Variants in MAP2 observed in about 807,000 individuals in gnomAD.
MAP2 encodes the protein microtubule-associated protein 2.
In MAP2, 14 loss-of-function variants were observed where a neutral mutation model predicts 137.6. The ratio of observed to expected loss-of-function variants is 0.10; its 90% CI spans 0.07 to 0.16. The LOEUF (loss-of-function observed/expected upper bound fraction) is 0.16. Among genes scored for constraint, MAP2 ranks in the 10% least tolerant of loss-of-function variants. The probability of loss-of-function intolerance (pLI) is 1.00; values close to 1 mark genes in which losing one functional copy is unlikely to be tolerated. For synonymous variants in MAP2, 786 were observed against 782.3 expected, an observed-to-expected ratio of 1.00 and a Z score of -0.08; for missense variants, 2,088 against 2,191.5, an observed-to-expected ratio of 0.95 and a Z score of 0.94.
chr2:209,703,581 C>T (rs949106491), intron 11 of MAP2, among the ~76,000 whole-genome samples: 4 of 152,144 alleles, frequency 2.6e-5, no homozygotes, highest in African/African-American at 9.6e-5. Flanking sequence ...ATTTTTTAAA[C>T]AACAAAATTT....
intron 4 of MAP2, among the ~76,000 whole-genome samples, chr2:209,649,294 G>A (rs2094622111): frequency 6.6e-6 from 1 of 152,036 alleles, no homozygotes; most frequent in African/African-American, 2.4e-5. Context: ...TGGGATTACA[G>A]GCAAGAGCAA....
chr2:209,451,303 T>G (rs1006267783), intron 1 of MAP2, among the ~76,000 whole-genome samples: 2 of 152,214 alleles, frequency 1.3e-5, no homozygotes, highest in African/African-American at 4.8e-5. Flanking sequence ...CCCATCAGGC[T>G]GCTGCTCCTC....
intron 3 of MAP2, among the ~76,000 whole-genome samples, chr2:209,581,023 T>G (rs2076295529): frequency 6.6e-6 from 1 of 152,164 alleles, no homozygotes; most frequent in Admixed American, 6.6e-5. Flanking sequence ...GTCCGAAGCA[T>G]TTTACACAAT....
intron 2 of MAP2, among the ~76,000 whole-genome samples, chr2:209,557,091 A>T (rs1231042346): frequency 2.0e-5 from 3 of 152,222 alleles, no homozygotes; most frequent in African/African-American, 4.8e-5. Context: ...ATAATTTAAC[A>T]TAGTTAAGTA....
rs1399410865 is a variant in MAP2 at position 209,717,882 on chromosome 2, GT to G, written c.5073+7635del. Among the ~76,000 whole-genome samples, 10 of 152,162 alleles carry G rather than the reference GT, an allele frequency of 6.6e-5. No individual in the cohort carries two copies. The East Asian group carries it at 1.7e-3, about 26-fold the overall frequency. On this transcript the variant is annotated intron_variant, in intron 13 of 15. Transcript: ENST00000682079. ...ATGTCTTCCCCTTATTTAATTTTAA[GT>G]TTTTTTCCAAGCCATTTCTTCACAT...
intron 3 of MAP2, among the ~76,000 whole-genome samples, chr2:209,588,880 T>C (rs1254025651): frequency 6.6e-6 from 1 of 152,060 alleles, no homozygotes; most frequent in Non-Finnish European, 1.5e-5. Flanking sequence ...TTTGAGGAAA[T>C]ATGAGATCTA....
chr2:209,495,576 C>T (rs560828596), intron 1 of MAP2, among the ~76,000 whole-genome samples: 52 of 152,330 alleles, frequency 3.4e-4, no homozygotes, highest in African/African-American at 1.1e-3. Context: ...CAAACTCCAG[C>T]AGACCTGCAG....
chr2:209,548,452 G>A (rs2068509167), intron 2 of MAP2, among the ~76,000 whole-genome samples: 1 of 152,092 alleles, frequency 6.6e-6, no homozygotes, highest in Non-Finnish European at 1.5e-5. Context: ...TAAACAAATA[G>A]CAGAGCTTAT....
intron 1 of MAP2, among the ~76,000 whole-genome samples, chr2:209,504,862 G>A (rs1254069195): frequency 2.0e-5 from 3 of 151,898 alleles, no homozygotes; most frequent in Admixed American, 6.6e-5. Context: ...CATAGGCAGT[G>A]TATCCACTCT....
At chr2:209,603,905 A>G (rs2083773776) in intron 3 of MAP2, among the ~76,000 whole-genome samples, 1 of 152,146 alleles carries the variant, frequency 6.6e-6, no homozygotes, top group Admixed American at 6.6e-5. Context: ...ATGCCAAGGT[A>G]AAGCCACAGT....
intron 4 of MAP2, among the ~76,000 whole-genome samples, chr2:209,642,171 A>T (rs1429329148): frequency 6.6e-6 from 1 of 152,138 alleles, no homozygotes; most frequent in African/African-American, 2.4e-5. Context: ...GGCTGGGCAC[A>T]GTGGCTCATG....
chr2:209,518,700 C>A (rs2062863411), intron 2 of MAP2, among the ~76,000 whole-genome samples: 1 of 151,976 alleles, frequency 6.6e-6, no homozygotes, highest in Admixed American at 6.6e-5. Flanking sequence ...TCTCTTCATG[C>A]ACACAGAATA....
intron 11 of MAP2, among the ~76,000 whole-genome samples, chr2:209,702,737 T>A (rs923150283): frequency 1.3e-5 from 2 of 151,966 alleles, no homozygotes; most frequent in African/African-American, 4.8e-5. Flanking sequence ...GTGGGTAGGA[T>A]CAATAAAAAA....
intron 3 of MAP2, among the ~76,000 whole-genome samples, chr2:209,591,124 G>GT (rs2079123238): frequency 6.6e-6 from 1 of 152,064 alleles, no homozygotes; most frequent in African/African-American, 2.4e-5. Flanking sequence ...TTTAGCAAGG[G>GT]TAAGTCTGTT....
At chr2:209,651,397 A>G (rs2094789306) in intron 4 of MAP2, among the ~76,000 whole-genome samples, 1 of 152,172 alleles carries the variant, frequency 6.6e-6, no homozygotes, top group South Asian at 2.1e-4. Context: ...TCAGGCTCCT[A>G]TTCCTATGCC....
chr2:209,695,103 A>T lies in MAP2; in HGVS notation c.2933A>T (p.Lys978Met). ...CATGCTGATTCAAAAGAACATGCCA[A>T]GAAAACTGAAGAGGCTGGTGATGAA... ...EEHADSKEHAKKTEEAGDEIE... is the reference protein window; with the variant it reads ...EEHADSKEHAMKTEEAGDEIE... The change falls in exon 8 of 16, where the codon AAG becomes ATG. Residue 978 changes from lysine to methionine, a missense_variant. This residue lies in a region of MAP2 where 500 missense variants were observed against 482.9 expected (regional missense o/e 1.04). Transcript: ENST00000682079. 6.2e-7 allele frequency: 1 copy of T among 1,614,192 alleles called. No individual in the cohort carries two copies. The highest frequency in any genetic ancestry group is 1.1e-5 in the South Asian group (1 of 91,084).
In MAP2 at chr2:209,732,356, C is replaced by G. The variant is rs975863320; in HGVS notation, c.*1959C>G. ...TAGGAGCAAACCCACACCACTCATT[C>G]TCAGCTAAGAGATTTTACACAGGCA... On this transcript the variant is annotated 3_prime_UTR_variant, in exon 16 of 16. Transcript: ENST00000682079. The G allele has an allele frequency of 3.9e-5, 6 of 152,334 alleles. No homozygotes were observed. The highest frequency in any genetic ancestry group is 3.4e-3 in the Middle Eastern group (1 of 294). The allele number at this position is 152,334 out of a possible 1,614,324, so 9.4% of individuals were successfully genotyped here. A position where few individuals can be genotyped will look rare whatever the true frequency, so the allele number is the denominator to read the frequency against.
intron 3 of MAP2, among the ~76,000 whole-genome samples, chr2:209,592,740 G>A (rs1579556218): frequency 6.6e-6 from 1 of 152,114 alleles, no homozygotes; most frequent in East Asian, 1.9e-4. Flanking sequence ...GAAATGATGT[G>A]TCCAGATGAA....
At chr2:209,531,201 AGAAAT>A (rs2065060070) in intron 2 of MAP2, among the ~76,000 whole-genome samples, 4 of 152,220 alleles carry the variant, frequency 2.6e-5, no homozygotes, top group Admixed American at 2.6e-4. Context: ...AAAGAGAAAA[AGAAAT>A]GAAAGAGGAA....
Sources: allele counts gnomAD v4.1 joint callset (sites outside exome capture counted in the v4.1 genomes callset), GRCh38; gene constraint gnomAD v4.1.1; regional missense constraint gnomAD v4.1.1; transcripts MANE v1.5; gene names NCBI Gene and HGNC (gene_info 2026-07-23, HGNC 2026-07-21).